The following DGKB variants were observed in gnomAD, a reference collection of about 807,000 sequenced individuals.
The protein encoded by DGKB is diacylglycerol kinase beta, also known as 90 kDa diacylglycerol kinase.
A neutral mutation model predicts 114.3 loss-of-function variants in DGKB; 67 were observed. The ratio of observed to expected loss-of-function variants is 0.59; its 90% CI spans 0.48 to 0.72. The LOEUF (loss-of-function observed/expected upper bound fraction) is 0.72. DGKB is among the 30% of genes least tolerant of loss of function. DGKB has a pLI of 0.00. For missense variants in DGKB, 907 were observed against 975.2 expected (o/e 0.93, Z 0.93); for synonymous variants, 398 against 323.1 (o/e 1.23, Z -2.49).
intron 21 of DGKB, among the ~76,000 whole-genome samples, chr7:14,396,290 G>A (rs1425155083): frequency 6.6e-6 from 1 of 152,156 alleles, no homozygotes; most frequent in African/African-American, 2.4e-5. Flanking sequence ...AGCATATCTT[G>A]TAAGAAACAA....
chr7:14,432,191 G>A lies in DGKB; in HGVS notation c.1835+45970C>T, dbSNP rs529408138. 2.6e-5 allele frequency among the ~76,000 whole-genome samples: 4 copies of A among 152,268 alleles called. 1 individual carries two copies. The South Asian group carries it at 8.3e-4, about 32-fold the overall frequency. Reference sequence around the variant, plus strand: ...TTTCTCACTGCAAAGTATAGAAGTTGCTACTGTCAAATCAGAAATATTTCC... The same window carrying A: ...TTTCTCACTGCAAAGTATAGAAGTTACTACTGTCAAATCAGAAATATTTCC... On this transcript the variant is annotated intron_variant, in intron 21 of 25. Coordinates refer to ENST00000402815, the MANE Select transcript of DGKB (RefSeq NM_001350709.2).
intron 9 of DGKB, among the ~76,000 whole-genome samples, chr7:14,687,115 G>A (rs1313005679): frequency 6.6e-6 from 1 of 152,148 alleles, no homozygotes; most frequent in African/African-American, 2.4e-5. Flanking sequence ...GTCCCACTCT[G>A]TCGTTCCCAT....
Position 14,887,636 on chromosome 7 carries a change from T to C in DGKB, c.-188+14956A>G, listed in dbSNP as rs564822511. Reference sequence around the variant, plus strand: ...CAAATATATTATGTCGATAGAGGAATGGAACACATTTTAAAAATAAATCTA... The same window carrying C: ...CAAATATATTATGTCGATAGAGGAACGGAACACATTTTAAAAATAAATCTA... On this transcript the variant is annotated intron_variant, in intron 1 of 25. Coordinates refer to ENST00000402815, the MANE Select transcript of DGKB (RefSeq NM_001350709.2). Among the ~76,000 whole-genome samples the C allele has an allele frequency of 1.9e-3, 287 of 151,868 alleles. 1 individual carries two copies. Among genetic ancestry groups the C allele is most frequent in the Non-Finnish European group, 3.2e-3 (214 of 67,806 alleles).
intron 1 of DGKB, among the ~76,000 whole-genome samples, chr7:14,870,267 CT>C (rs1241085120): frequency 6.6e-6 from 1 of 152,164 alleles, no homozygotes; most frequent in African/African-American, 2.4e-5. Flanking sequence ...TTTCTTCTAC[CT>C]TGTAGCTTCC....
At chr7:14,204,595 G>A (rs534987200) in intron 23 of DGKB, among the ~76,000 whole-genome samples, 1 of 152,126 alleles carries the variant, frequency 6.6e-6, no homozygotes, top group Non-Finnish European at 1.5e-5. Flanking sequence ...AGCCTAAATT[G>A]TCTTGGTAAA....
intron 20 of DGKB, among the ~76,000 whole-genome samples, chr7:14,504,198 C>T (rs544355110): frequency 1.4e-4 from 22 of 152,216 alleles, no homozygotes; most frequent in Admixed American, 7.9e-4. Context: ...AATCTTTATG[C>T]AGATTCTATT....
At chr7:14,604,507 G>GA (rs1393082516) in intron 17 of DGKB, among the ~76,000 whole-genome samples, 1 of 152,012 alleles carries the variant, frequency 6.6e-6, no homozygotes, top group Non-Finnish European at 1.5e-5. Context: ...TAAAGTAGCA[G>GA]AAAAAATGCA....
intron 23 of DGKB, among the ~76,000 whole-genome samples, chr7:14,270,047 G>GAA (rs1454909319): frequency 1.3e-4 from 2 of 15,316 alleles, no homozygotes; most frequent in African/African-American, 4.9e-4. Context: ...GGCTTTTTTT[G>GAA]CAAAAAAAAA....
At chr7:14,361,330 A>C (rs1280900149) in intron 21 of DGKB, among the ~76,000 whole-genome samples, 2 of 152,066 alleles carry the variant, frequency 1.3e-5, no homozygotes, top group African/African-American at 4.8e-5. Flanking sequence ...TAAAAATGAT[A>C]AGAAATAAGA....
intron 2 of DGKB, among the ~76,000 whole-genome samples, chr7:14,822,086 G>A (rs1188406633): frequency 6.6e-6 from 1 of 152,122 alleles, no homozygotes; most frequent in Admixed American, 6.6e-5. Flanking sequence ...TTAATTTTCA[G>A]TTTACTTTAA....
intron 23 of DGKB, among the ~76,000 whole-genome samples, chr7:14,298,444 A>G (rs1445414269): frequency 1.3e-5 from 2 of 152,196 alleles, no homozygotes; most frequent in African/African-American, 2.4e-5. Context: ...TGACAAAAAC[A>G]AGCAATGGGG....
rs371146946 is a variant in DGKB at position 14,867,059 on chromosome 7, C to T, written c.-187-25609G>A. Among the ~76,000 whole-genome samples the T allele has an allele frequency of 1.1e-4, 16 of 152,098 alleles. No individual in the cohort carries two copies. In the South Asian group the frequency reaches 3.1e-3, roughly 30 times the overall value. On this transcript the variant is annotated intron_variant, in intron 1 of 25. Coordinates refer to ENST00000402815, the MANE Select transcript of DGKB (RefSeq NM_001350709.2). Reference sequence around the variant, plus strand: ...TTAAGTGTCTGCTAAAGTCTTTGGCCCATTTTTAATTGAGTTATTCGTTTC... The same window carrying T: ...TTAAGTGTCTGCTAAAGTCTTTGGCTCATTTTTAATTGAGTTATTCGTTTC...
At chr7:14,874,793 C>A (rs10231098) in intron 1 of DGKB, among the ~76,000 whole-genome samples, 1 of 152,030 alleles carries the variant, frequency 6.6e-6, no homozygotes, top group Non-Finnish European at 1.5e-5. Context: ...CAAATCAATT[C>A]CCCCACACAG....
intron 21 of DGKB, among the ~76,000 whole-genome samples, chr7:14,413,606 T>C (rs1825244067): frequency 1.3e-5 from 2 of 151,902 alleles, no homozygotes; most frequent in African/African-American, 4.8e-5. Flanking sequence ...TGAAGCGGGA[T>C]AGAGTAGGAG....
chr7:14,320,908 A>G (rs1233342963), intron 23 of DGKB, among the ~76,000 whole-genome samples: 2 of 152,218 alleles, frequency 1.3e-5, no homozygotes, highest in Non-Finnish European at 2.9e-5. Context: ...TAAATGTAAT[A>G]TTAATAAATA....
At chr7:14,169,442 C>G (rs192820377) in intron 25 of DGKB, among the ~76,000 whole-genome samples, 26 of 151,592 alleles carry the variant, frequency 1.7e-4, no homozygotes, top group Middle Eastern at 3.4e-3. Context: ...TTGGAGGTAG[C>G]CTGCCTGGAG....
chr7:14,779,110 C>T (rs895499643), intron 2 of DGKB, among the ~76,000 whole-genome samples: 4 of 152,066 alleles, frequency 2.6e-5, no homozygotes, highest in Middle Eastern at 3.2e-3. Context: ...GAGCCAAGAT[C>T]GTGCCACTGC....
chr7:14,772,038 T>C (rs1837499020), intron 2 of DGKB, among the ~76,000 whole-genome samples: 1 of 152,134 alleles, frequency 6.6e-6, no homozygotes, highest in East Asian at 1.9e-4. Context: ...TAAATTTACC[T>C]AGAGCCTAGA....
At chr7:14,301,522 C>T (rs1172768627) in intron 23 of DGKB, among the ~76,000 whole-genome samples, 1 of 152,040 alleles carries the variant, frequency 6.6e-6, no homozygotes, top group Non-Finnish European at 1.5e-5. Flanking sequence ...TAAATTAATC[C>T]TCATAAGAGC....
Sources: gnomAD v4.1 joint callset for allele counts (sites outside exome capture counted in the v4.1 genomes callset) on GRCh38, gnomAD v4.1.1 for gene constraint, MANE v1.5 for transcripts, NCBI Gene and HGNC (gene_info 2026-07-23, HGNC 2026-07-21) for gene names.